Variants in FRMD4A observed in about 807,000 individuals in gnomAD.
FRMD4A encodes FERM domain-containing protein 4A.
Under a neutral mutation model 129.1 loss-of-function variants are expected in FRMD4A, and 29 were observed. The ratio of observed to expected loss-of-function variants is 0.22; its 90% CI spans 0.17 to 0.31. The LOEUF (loss-of-function observed/expected upper bound fraction) is 0.31. FRMD4A is among the 10% of genes least tolerant of loss of function. FRMD4A has a pLI of 1.00. For synonymous variants in FRMD4A, 634 were observed against 571.6 expected (o/e 1.11, Z -1.56); for missense variants, 1,272 against 1,375.8 (o/e 0.92, Z 1.19).
intron 2 of FRMD4A, among the ~76,000 whole-genome samples, chr10:14,273,133 T>C (rs1462894541): frequency 6.6e-6 from 1 of 151,884 alleles, no homozygotes; most frequent in African/African-American, 2.4e-5. Flanking sequence ...GGTGCATACC[T>C]GTGGTCCCAG....
At chr10:13,865,345 C>G (rs930707757) in intron 2 of FRMD4A, among the ~76,000 whole-genome samples, 15 of 152,064 alleles carry the variant, frequency 9.9e-5, no homozygotes, top group Admixed American at 4.6e-4. Context: ...GTGTTGAACC[C>G]ATAGTCCTTG....
At chr10:13,786,304 G>T (rs2092860602) in intron 5 of FRMD4A, among the ~76,000 whole-genome samples, 1 of 152,128 alleles carries the variant, frequency 6.6e-6, no homozygotes, top group Non-Finnish European at 1.5e-5. Flanking sequence ...ACTTTTTAAT[G>T]ATTTGATTTT....
chr10:13,975,565 T>C (rs950357938), intron 2 of FRMD4A, among the ~76,000 whole-genome samples: 17 of 152,022 alleles, frequency 1.1e-4, no homozygotes, highest in Non-Finnish European at 2.5e-4. Flanking sequence ...TATGTGTGTG[T>C]CTGTGTCTGT....
Position 14,016,084 on chromosome 10 carries a change from C to T in FRMD4A, c.46-157172G>A, listed in dbSNP as rs191185678. Among the ~76,000 whole-genome samples the T allele has an allele frequency of 7.9e-5, 12 of 152,296 alleles. No homozygotes were observed. The South Asian group carries it at 8.3e-4, about 11-fold the overall frequency. On this transcript the variant is annotated intron_variant, in intron 2 of 24. Transcript: ENST00000357447. ...AACTCAGCTCCTCTCTGTGATGAGGCGTCTGTGGTGAAGTGAAAGACTGCT... is the reference window on the plus strand; with the variant it reads ...AACTCAGCTCCTCTCTGTGATGAGGTGTCTGTGGTGAAGTGAAAGACTGCT...
intron 15 of FRMD4A, among the ~76,000 whole-genome samples, chr10:13,676,296 T>C (rs1589318047): frequency 1.3e-5 from 2 of 151,954 alleles, no homozygotes; most frequent in Non-Finnish European, 2.9e-5. Context: ...AGTTTCACTC[T>C]TGTTGCCCAG....
intron 2 of FRMD4A, among the ~76,000 whole-genome samples, chr10:14,132,425 G>T (rs942236185): frequency 1.3e-5 from 2 of 152,206 alleles, no homozygotes; most frequent in African/African-American, 4.8e-5. Context: ...AGCAAATGTG[G>T]AGAGGGGAGG....
At chr10:13,798,682 A>C (rs112168891) in intron 4 of FRMD4A, among the ~76,000 whole-genome samples, 1 of 152,196 alleles carries the variant, frequency 6.6e-6, no homozygotes, top group Admixed American at 6.5e-5. Flanking sequence ...GCGCCACCGC[A>C]CTCCAGCCTG....
chr10:14,005,328 A>C (rs974421037), intron 2 of FRMD4A, among the ~76,000 whole-genome samples: 7 of 152,006 alleles, frequency 4.6e-5, no homozygotes, highest in African/African-American at 1.7e-4. Flanking sequence ...AGTCCATTTT[A>C]TATTTCCTTT....
chr10:13,698,465 C>T (rs1034457158), intron 14 of FRMD4A, among the ~76,000 whole-genome samples: 1 of 152,180 alleles, frequency 6.6e-6, no homozygotes, highest in Non-Finnish European at 1.5e-5. Flanking sequence ...TCAATCACAT[C>T]GCTGTTCTAT....
intron 2 of FRMD4A, among the ~76,000 whole-genome samples, chr10:14,256,137 C>A (rs551687578): frequency 5.3e-5 from 8 of 151,950 alleles, no homozygotes; most frequent in African/African-American, 1.9e-4. Flanking sequence ...TCCTATCTAC[C>A]AGCAAAAACT....
intron 14 of FRMD4A, among the ~76,000 whole-genome samples, chr10:13,696,805 T>C (rs150157003): frequency 6.6e-6 from 1 of 152,288 alleles, no homozygotes; most frequent in East Asian, 1.9e-4. Context: ...CTATCGGACT[T>C]TGACCCTTCA....
chr10:13,970,502 C>T (rs909138533), intron 2 of FRMD4A, among the ~76,000 whole-genome samples: 1 of 152,124 alleles, frequency 6.6e-6, no homozygotes, highest in Non-Finnish European at 1.5e-5. Context: ...CCAAATTACA[C>T]CTAAAAATAC....
chr10:13,698,339 A>T (rs2086437408), intron 14 of FRMD4A, among the ~76,000 whole-genome samples: 1 of 152,124 alleles, frequency 6.6e-6, no homozygotes, highest in Admixed American at 6.5e-5. Context: ...AGTACAGTAG[A>T]GTGTGAGCAG....
intron 2 of FRMD4A, among the ~76,000 whole-genome samples, chr10:14,086,641 C>T (rs955461507): frequency 1.3e-5 from 2 of 152,136 alleles, no homozygotes; most frequent in Non-Finnish European, 2.9e-5. Context: ...AACCAGGGTA[C>T]GGTTTAACAT....
intron 8 of FRMD4A, among the ~76,000 whole-genome samples, chr10:13,748,603 CT>C (rs1404027329): frequency 1.3e-5 from 2 of 151,956 alleles, no homozygotes; most frequent in African/African-American, 2.4e-5. Flanking sequence ...GTAACTTTTG[CT>C]TTTGAGGAGG....
At chr10:13,955,110 T>G (rs528779052) in intron 2 of FRMD4A, among the ~76,000 whole-genome samples, 1 of 99,674 alleles carries the variant, frequency 1.0e-5, no homozygotes, top group African/African-American at 4.6e-5. Flanking sequence ...TTAATAATTC[T>G]GCTTTTTTTT....
At chr10:13,936,718 C>T (rs2095251965) in intron 2 of FRMD4A, among the ~76,000 whole-genome samples, 1 of 152,142 alleles carries the variant, frequency 6.6e-6, no homozygotes, top group East Asian at 1.9e-4. Context: ...GGCATCTAGT[C>T]TATGGGATTC....
At chr10:13,932,395 T>G (rs1388504777) in intron 2 of FRMD4A, among the ~76,000 whole-genome samples, 1 of 152,212 alleles carries the variant, frequency 6.6e-6, no homozygotes, top group Non-Finnish European at 1.5e-5. Context: ...AGTCTTCATC[T>G]CCTGAAAGCC....
intron 2 of FRMD4A, among the ~76,000 whole-genome samples, chr10:14,118,914 C>G (rs1330895276): frequency 6.6e-6 from 1 of 152,156 alleles, no homozygotes; most frequent in Non-Finnish European, 1.5e-5. Context: ...CTCTCTGGCT[C>G]TCTTGGAAAT....
Sources: gnomAD v4.1 joint callset for allele counts (sites outside exome capture counted in the v4.1 genomes callset) on GRCh38, gnomAD v4.1.1 for gene constraint, MANE v1.5 for transcripts, NCBI Gene and HGNC (gene_info 2026-07-23, HGNC 2026-07-21) for gene names.